Variants in STK32B observed in about 807,000 individuals in gnomAD.
The protein encoded by STK32B is serine/threonine kinase 32B.
STK32B carries 43 observed loss-of-function variants against 52.6 expected under a neutral mutation model. The ratio of observed to expected loss-of-function variants is 0.82; its 90% CI spans 0.64 to 1.05. The LOEUF is 1.05. Ranked by LOEUF, STK32B falls within the 50% of genes least tolerant of loss-of-function variation. The pLI is 0.00. For missense variants in STK32B, 621 were observed against 534.6 expected (o/e 1.16, Z -1.59); for synonymous variants, 238 against 204.3 (o/e 1.17, Z -1.41).
intron 4 of STK32B, among the ~76,000 whole-genome samples, chr4:5,340,402 G>A (rs1163702920): frequency 6.6e-6 from 1 of 152,236 alleles, no homozygotes; most frequent in African/African-American, 2.4e-5. Flanking sequence ...ACTAGGAAAA[G>A]GAATGCAGAA....
rs1736821234 is a variant in STK32B at position 5,395,384 on chromosome 4, C to G, written c.435-2823C>G. On this transcript the variant is annotated intron_variant, in intron 4 of 11. Transcript: ENST00000282908. The surrounding 1 kb of genome is among the most constrained non-coding windows in gnomAD (Gnocchi z 4.4). Reference sequence around the variant, plus strand: ...TACTTCCTCATCTGCAAAATGAGAACTTGCTCACTACATGATGCACAGCTG... The same window carrying G: ...TACTTCCTCATCTGCAAAATGAGAAGTTGCTCACTACATGATGCACAGCTG... Among the ~76,000 whole-genome samples, 1 of 152,224 alleles carries G rather than the reference C, an allele frequency of 6.6e-6. No homozygotes were observed. Among genetic ancestry groups the G allele is most frequent in the South Asian group, 2.1e-4 (1 of 4,830 alleles).
At position 5,463,547 on chromosome 4, in the gene STK32B, C is replaced by G. The variant is rs370253484; in HGVS notation, c.910-3156C>G. On this transcript the variant is annotated intron_variant, in intron 9 of 11. Transcript: ENST00000282908. The stretch of plus-strand genomic sequence containing the variant: ...ACACACATATGCACACGTGCCCCCA[C>G]ACACAGTCTCACACACATACCTACT... Among the ~76,000 whole-genome samples, 30 of 152,242 alleles carry G rather than the reference C, an allele frequency of 2.0e-4. No individual in the cohort carries two copies. The South Asian group carries it at 6.0e-3, about 31-fold the overall frequency.
intron 1 of STK32B, among the ~76,000 whole-genome samples, chr4:5,134,471 G>A (rs982579003): frequency 3.3e-5 from 5 of 152,094 alleles, no homozygotes; most frequent in African/African-American, 1.2e-4. Flanking sequence ...CTCATCAGAT[G>A]CCAGCACCTT....
At chr4:5,487,737 A>C (rs776418765) in intron 11 of STK32B, among the ~76,000 whole-genome samples, 1 of 152,118 alleles carries the variant, frequency 6.6e-6, no homozygotes, top group Non-Finnish European at 1.5e-5. Flanking sequence ...GGAGGGGAGG[A>C]GTCTTATTCT....
At chr4:5,181,317 G>A (rs1720332635) in intron 3 of STK32B, among the ~76,000 whole-genome samples, 1 of 132,012 alleles carries the variant, frequency 7.6e-6, no homozygotes, top group Non-Finnish European at 1.6e-5. Flanking sequence ...AGAAGAGAAA[G>A]ATGGAGAGTG....
the STK32B span, among the ~76,000 whole-genome samples, chr4:5,020,146 G>A: frequency 1.3e-5 from 2 of 152,210 alleles, no homozygotes; most frequent in Non-Finnish European, 2.9e-5. Context: ...AGGCCCCGAG[G>A]GAGAGCAGAC....
intron 2 of STK32B, 143 bp from the exon 3 acceptor site, chr4:5,168,156 A>G: frequency 9.3e-7 from 1 of 1,070,740 alleles, no homozygotes; most frequent in South Asian, 1.8e-5. Flanking sequence ...GGTTGTGCCT[A>G]ACTTAGCAGA....
intron 3 of STK32B, among the ~76,000 whole-genome samples, chr4:5,213,566 G>A (rs564887160): frequency 6.6e-6 from 1 of 152,336 alleles, no homozygotes; most frequent in East Asian, 1.9e-4. Context: ...AGAGGTTATT[G>A]ATGAACACGG....
At position 5,447,889 on chromosome 4, in the gene STK32B, A is replaced by G. The variant is rs546280522; in HGVS notation, c.666+1113A>G. 1.7e-4 allele frequency among the ~76,000 whole-genome samples: 26 copies of G among 152,344 alleles called. 1 individual carries two copies. In the East Asian group the frequency reaches 2.5e-3, roughly 15 times the overall value. The stretch of plus-strand genomic sequence containing the variant: ...CAGTGCCCAGCACAGAGCTGACAGA[A>G]GCAAAGAGCCAGATTCTCCCACAGG... On this transcript the variant is annotated intron_variant, in intron 7 of 11. Transcript: ENST00000282908.
chr4:5,315,272 T>G (rs977639023), intron 3 of STK32B, among the ~76,000 whole-genome samples: 1 of 147,710 alleles, frequency 6.8e-6, no homozygotes, highest in Admixed American at 6.6e-5. Flanking sequence ...GAAATGCAAA[T>G]GAGATGTGAC....
At chr4:5,263,506 C>T (rs1365987360) in intron 3 of STK32B, among the ~76,000 whole-genome samples, 1 of 152,136 alleles carries the variant, frequency 6.6e-6, no homozygotes, top group Non-Finnish European at 1.5e-5. Flanking sequence ...CTTATTATCC[C>T]CAAAATACAG....
intron 2 of STK32B, among the ~76,000 whole-genome samples, chr4:5,159,584 T>TGA (rs777112779): frequency 0.01 from 1,187 of 113,722 alleles, 141 homozygotes; most frequent in Middle Eastern, 0.035. Context: ...TGAATATATA[T>TGA]ATGAATATAT....
At chr4:5,447,553 T>C (rs1422116370) in intron 7 of STK32B, among the ~76,000 whole-genome samples, 1 of 152,160 alleles carries the variant, frequency 6.6e-6, no homozygotes, top group African/African-American at 2.4e-5. Context: ...GGAGAATCAC[T>C]TGAGCCTGGG....
At chr4:5,112,560 T>C (rs1176112332) in intron 1 of STK32B, among the ~76,000 whole-genome samples, 9 of 152,210 alleles carry the variant, frequency 5.9e-5, no homozygotes, top group Non-Finnish European at 1.2e-4. Flanking sequence ...TTTAGCTGAT[T>C]GGAAGAGGGC....
chr4:5,466,391 G>C (rs1289095564), intron 9 of STK32B, among the ~76,000 whole-genome samples: 4 of 152,252 alleles, frequency 2.6e-5, no homozygotes, highest in African/African-American at 9.6e-5. Context: ...AAAATAATAA[G>C]TGAAAAAATC....
At chr4:5,372,672 A>T (rs1354810354) in intron 4 of STK32B, among the ~76,000 whole-genome samples, 1 of 148,626 alleles carries the variant, frequency 6.7e-6, no homozygotes, top group Non-Finnish European at 1.5e-5. Context: ...CATTACAGTA[A>T]TAACTGCATC....
intron 6 of STK32B, among the ~76,000 whole-genome samples, chr4:5,426,217 G>A (rs13141339): frequency 0.15 from 22,254 of 152,018 alleles, 2,146 homozygotes; most frequent in East Asian, 0.41. Context: ...TGAGAGACCC[G>A]GTTGTTCTGT....
At chr4:5,035,720 A>G in the STK32B span, among the ~76,000 whole-genome samples, 1 of 152,118 alleles carries the variant, frequency 6.6e-6, no homozygotes, top group Non-Finnish European at 1.5e-5. Flanking sequence ...AAACATTTGT[A>G]TTCAAAGTCT....
intron 1 of STK32B, 78 bp downstream of exon 1, chr4:5,051,993 G>T: frequency 6.5e-7 from 1 of 1,541,776 alleles, no homozygotes; most frequent in Non-Finnish European, 8.8e-7. Context: ...GCCCTGCGGG[G>T]CACCGCATGC....
Sources: allele counts gnomAD v4.1 joint callset (sites outside exome capture counted in the v4.1 genomes callset), GRCh38; gene constraint gnomAD v4.1.1; non-coding constraint Gnocchi (gnomAD v3.1); transcripts MANE v1.5; gene names NCBI Gene and HGNC (gene_info 2026-07-23, HGNC 2026-07-21).